The following PRUNE2 variants were observed in gnomAD, a reference collection of about 807,000 sequenced individuals.
The protein encoded by PRUNE2 is protein prune homolog 2.
A neutral mutation model predicts 252.0 loss-of-function variants in PRUNE2; 164 were observed. That is an observed-to-expected ratio of 0.65 (90% confidence interval 0.57 to 0.74). The LOEUF (loss-of-function observed/expected upper bound fraction) is 0.74. Ranked by LOEUF, PRUNE2 falls within the 30% of genes least tolerant of loss-of-function variation. The pLI is 0.00. For synonymous variants in PRUNE2, 1,292 were observed against 1,350.2 expected (o/e 0.96, Z 0.94); for missense variants, 3,495 against 3,711.0 (o/e 0.94, Z 1.51).
At chr9:76,814,241 C>G (rs1346506729) in intron 6 of PRUNE2, among the ~76,000 whole-genome samples, 1 of 152,150 alleles carries the variant, frequency 6.6e-6, no homozygotes, top group Non-Finnish European at 1.5e-5. Flanking sequence ...GTCTTCGGGA[C>G]TCACATGAAT....
At chr9:76,874,113 C>A (rs752174118) in intron 1 of PRUNE2, among the ~76,000 whole-genome samples, 6 of 152,174 alleles carry the variant, frequency 3.9e-5, no homozygotes, top group Non-Finnish European at 8.8e-5. Context: ...GCCACACCAG[C>A]ACTTAAAGCT....
intron 13 of PRUNE2, among the ~76,000 whole-genome samples, chr9:76,637,808 A>C (rs1381784081): frequency 6.6e-6 from 1 of 152,236 alleles, no homozygotes; most frequent in Non-Finnish European, 1.5e-5. Flanking sequence ...CAAAACTGTC[A>C]ACAATGTTAT....
intron 1 of PRUNE2, among the ~76,000 whole-genome samples, chr9:76,888,607 T>A (rs1358797291): frequency 6.7e-6 from 1 of 149,738 alleles, no homozygotes; most frequent in East Asian, 2.0e-4. Flanking sequence ...TTATTATTAT[T>A]ATTATTTAGA....
chr9:76,842,829 G>A (rs527851688), intron 4 of PRUNE2, among the ~76,000 whole-genome samples: 1 of 152,318 alleles, frequency 6.6e-6, no homozygotes, highest in Non-Finnish European at 1.5e-5. Context: ...GGTAACAACA[G>A]ATGCTGGAGG....
Position 76,705,007 on chromosome 9 carries a change from C to A in PRUNE2, c.7267G>T (p.Gly2423Ter). The A allele has an allele frequency of 6.2e-7, 1 of 1,613,848 alleles. No individual in the cohort carries two copies. The highest frequency in any genetic ancestry group is 2.2e-5 in the East Asian group (1 of 44,868). Residue 2423 changes from glycine (G) to a stop codon, truncating the protein, a stop_gained, in exon 8 of 19, where the codon GGA (glycine) becomes TGA (stop). Coordinates refer to ENST00000376718, the MANE Select transcript of PRUNE2 (RefSeq NM_015225.3). LOFTEE classifies it high-confidence loss of function. The part of the protein sequence containing the change: ...EAGSPEDESL[G>*]CRAAEIVLSA... ...AGCACTATCTCTGCTGCTCTGCATC[C>A]CAGAGATTCATCCTCTGGAGACCCA...
chr9:76,767,076 T>G (rs1366180587), intron 6 of PRUNE2, among the ~76,000 whole-genome samples: 1 of 152,206 alleles, frequency 6.6e-6, no homozygotes, highest in Admixed American at 6.5e-5. Context: ...ACATACTTAC[T>G]GATGAATAAA....
intron 1 of PRUNE2, among the ~76,000 whole-genome samples, chr9:76,894,500 G>A (rs1324986312): frequency 6.6e-6 from 1 of 152,180 alleles, no homozygotes; most frequent in Non-Finnish European, 1.5e-5. Context: ...GGGAGCAGCT[G>A]ATCTGTCCAC....
chr9:76,816,223 C>T (rs2057686180), intron 6 of PRUNE2, among the ~76,000 whole-genome samples: 1 of 151,146 alleles, frequency 6.6e-6, no homozygotes, highest in Admixed American at 6.6e-5. Context: ...ATTTTACAGA[C>T]TATTTTTGGA....
At chr9:76,827,555 C>G (rs1200597882) in intron 4 of PRUNE2, among the ~76,000 whole-genome samples, 1 of 152,148 alleles carries the variant, frequency 6.6e-6, no homozygotes, top group Non-Finnish European at 1.5e-5. Flanking sequence ...TAAAAATCCC[C>G]AAATCTGTTG....
At chr9:76,712,457 C>G (rs57749678) in intron 7 of PRUNE2, among the ~76,000 whole-genome samples, 3,116 of 134,684 alleles carry the variant, frequency 0.023, 108 homozygotes, top group African/African-American at 0.084. Context: ...AAGATTCCAG[C>G]GATCCACCTC....
rs1410705160 is a variant in PRUNE2, at chr9:76,645,291, T to G, written c.8558-382A>C. Among the ~76,000 whole-genome samples the G allele has an allele frequency of 2.0e-5, 3 of 152,142 alleles. No individual in the cohort carries two copies. The East Asian group carries it at 5.8e-4, about 29-fold the overall frequency. ...TCTAATGGGGTGAAAGGCTGTGTAC[T>G]AGACTCAGAAAATCTTGGGGTTTTG... is the stretch of plus-strand genomic sequence containing the variant. On this transcript the variant is annotated intron_variant, in intron 11 of 18. Coordinates refer to ENST00000376718, the MANE Select transcript of PRUNE2 (RefSeq NM_015225.3).
intron 11 of PRUNE2, among the ~76,000 whole-genome samples, chr9:76,645,867 A>AT (rs1355554384): frequency 6.6e-6 from 1 of 152,136 alleles, no homozygotes; most frequent in East Asian, 1.9e-4. Flanking sequence ...ACTTCTTTCT[A>AT]TGGCACTTTG....
intron 6 of PRUNE2, among the ~76,000 whole-genome samples, chr9:76,818,216 C>T (rs1393342442): frequency 6.6e-6 from 1 of 152,122 alleles, no homozygotes; most frequent in East Asian, 1.9e-4. Context: ...TTCATCTTGG[C>T]CACCAACAAA....
chr9:76,768,297 A>T (rs2052655702), intron 6 of PRUNE2, among the ~76,000 whole-genome samples: 1 of 152,066 alleles, frequency 6.6e-6, no homozygotes, highest in African/African-American at 2.4e-5. Context: ...GGTTCAAACA[A>T]TTCTCCTACC....
intron 9 of PRUNE2, among the ~76,000 whole-genome samples, chr9:76,698,950 C>T (rs2045638676): frequency 6.6e-6 from 1 of 152,136 alleles, no homozygotes; most frequent in Non-Finnish European, 1.5e-5. Flanking sequence ...CAAGATACAG[C>T]TCCACAAGTA....
intron 6 of PRUNE2, chr9:76,788,350 A>T (rs528764995): frequency 1.4e-6 from 1 of 706,204 alleles, no homozygotes; most frequent in East Asian, 2.5e-5. Flanking sequence ...TTGTGAATTC[A>T]GTTGATAGTT....
At position 76,813,232 on chromosome 9, in the gene PRUNE2, T is replaced by G. The variant is rs543741136; in HGVS notation, c.756+10400A>C. Among the ~76,000 whole-genome samples the G allele has an allele frequency of 1.4e-4, 22 of 152,322 alleles. No homozygotes were observed. The South Asian group carries it at 2.9e-3, about 20-fold the overall frequency. On this transcript the variant is annotated intron_variant, in intron 6 of 18. Coordinates refer to ENST00000376718, the MANE Select transcript of PRUNE2 (RefSeq NM_015225.3). ...TTGTCATGACCAGGTGTTGGCAAGCTCTGGCCCACAGACCAGTTCAGCTCA... is the reference window on the plus strand; with the variant it reads ...TTGTCATGACCAGGTGTTGGCAAGCGCTGGCCCACAGACCAGTTCAGCTCA...
At chr9:76,772,844 C>T (rs1460621318) in intron 6 of PRUNE2, among the ~76,000 whole-genome samples, 2 of 152,172 alleles carry the variant, frequency 1.3e-5, no homozygotes, top group Non-Finnish European at 2.9e-5. Flanking sequence ...GATTAACAGG[C>T]ATGAGCCACT....
At chr9:76,838,964 C>T (rs554110770) in intron 4 of PRUNE2, among the ~76,000 whole-genome samples, 9 of 152,108 alleles carry the variant, frequency 5.9e-5, no homozygotes, top group Admixed American at 5.2e-4. Flanking sequence ...GGCTAAAATA[C>T]ATTTATTTAT....
Sources: allele counts gnomAD v4.1 joint callset (sites outside exome capture counted in the v4.1 genomes callset), GRCh38; gene constraint gnomAD v4.1.1; transcripts MANE v1.5; gene names NCBI Gene and HGNC (gene_info 2026-07-23, HGNC 2026-07-21).